The following TLR9 variants were observed in gnomAD, a reference collection of about 807,000 sequenced individuals.
The protein encoded by TLR9 is toll-like receptor 9.
A neutral mutation model predicts 24.6 loss-of-function variants in TLR9; 19 were observed. That is an observed-to-expected ratio of 0.77 (90% CI 0.54 to 1.13). The LOEUF (loss-of-function observed/expected upper bound fraction) is 1.13, where lower values mean the gene tolerates loss of function less well. Ranked by LOEUF, TLR9 falls within the 50% of genes most tolerant of loss-of-function variation. The pLI, the probability that TLR9 is intolerant of heterozygous loss-of-function variation, is 0.00. For missense variants in TLR9, 1,065 were observed against 1,379.6 expected (o/e 0.77, Z 3.61); for synonymous variants, 579 against 609.8 (o/e 0.95, Z 0.74).
At position 52,223,570 on chromosome 3, in the gene TLR9, A is replaced by G; in HGVS notation, c.746T>C (p.Leu249Pro). Residue 249 changes from leucine (L) to proline (P), a missense_variant, in exon 2 of 2, where the codon CTC (leucine) becomes CCC (proline). Leu to Pro is a moderately conservative substitution (Grantham distance 98, BLOSUM62 -3). Transcript: ENST00000360658. ...DLANLTALRV[L>P]DVGGNCRRCD... Reference sequence around the variant, plus strand: ...GCGGCGGCAATTTCCGCCCACATCGAGCACACGCAGGGCGGTCAGATTGGC... The same window carrying G: ...GCGGCGGCAATTTCCGCCCACATCGGGCACACGCAGGGCGGTCAGATTGGC... The G allele has an allele frequency of 6.5e-7, 1 of 1,535,850 alleles. No homozygotes were observed. The highest frequency in any genetic ancestry group is 8.8e-7 in the Non-Finnish European group (1 of 1,140,610).
chr3:52,225,403 G>C, intron 1 of TLR9, 124 bp downstream of exon 1: 1 of 1,198,376 alleles, frequency 8.3e-7, no homozygotes, highest in Non-Finnish European at 1.2e-6. Context: ...AGGATTCAGT[G>C]AGTGTCCCCA....
chr3:52,223,841 C>G lies in TLR9; in HGVS notation c.475G>C (p.Asp159His). 1 of 1,612,082 alleles carries G rather than the reference C, an allele frequency of 6.2e-7. No homozygotes were observed. The highest frequency in any genetic ancestry group is 8.5e-7 in the Non-Finnish European group (1 of 1,178,860). Residue 159 changes from aspartate (D) to histidine (H), a missense_variant, in exon 2 of 2, where the codon GAC (aspartate) becomes CAC (histidine). By Grantham distance (81) the Asp-to-His change is moderately conservative. Coordinates refer to ENST00000360658, the MANE Select transcript of TLR9 (RefSeq NM_017442.4). Reference protein sequence around the residue: ...SLSHTNILMLDSASLAGLHAL... With the variant: ...SLSHTNILMLHSASLAGLHAL... ...TGCAGGCCGGCGAGGCTGGCAGAGT[C>G]TAGCATCAGGATGTTGGTATGGCTG...
intron 1 of TLR9, among the ~76,000 whole-genome samples, chr3:52,224,641 G>A (rs924507272): frequency 4.6e-5 from 7 of 152,072 alleles, no homozygotes; most frequent in Non-Finnish European, 1.0e-4. Flanking sequence ...GTCTCTCCCC[G>A]ACTTTCCCTT....
rs138035523 is a variant in TLR9 at position 52,223,791 on chromosome 3, G to A, written c.525C>T (p.Asp175=). The stretch of plus-strand genomic sequence containing the variant: ...AGGGGTTCTTGTAATAACAGTTGCC[G>A]TCCATGAATAGGAAGCGCAGGGCAT... ...GLHALRFLFM[D]GNCYYKNPCR... The change falls in exon 2 of 2, where the codon GAC becomes GAT. Residue 175 remains aspartate (D), a synonymous_variant. Coordinates refer to ENST00000360658, the MANE Select transcript of TLR9 (RefSeq NM_017442.4). 413 of 1,587,414 alleles carry A rather than the reference G, an allele frequency of 2.6e-4. No individual in the cohort carries two copies. The African/African-American group carries it at 4.3e-3, about 16-fold the overall frequency.
In TLR9 at chr3:52,223,082, T is replaced by C; in HGVS notation, c.1234A>G (p.Arg412Gly). 1.2e-6 allele frequency: 2 copies of C among 1,611,334 alleles called. No homozygotes were observed. The highest frequency in any genetic ancestry group is 1.7e-6 in the Non-Finnish European group (2 of 1,178,544). ...ACGTAGCGCAGGCCAGGGAAGGCCC[T>C]GAAGATGCCGAGCTGGGCCTGGTTG... ...FINQAQLGIF[R>G]AFPGLRYVDL... Residue 412 changes from arginine to glycine, a missense_variant, in exon 2 of 2, where the codon AGG becomes GGG. Transcript: ENST00000360658.
At position 52,221,943 on chromosome 3, in the gene TLR9, G is replaced by T; in HGVS notation, c.2373C>A (p.Gly791=). The change falls in exon 2 of 2, where the codon GGC becomes GGA. Residue 791 remains glycine (G), a synonymous_variant. Transcript: ENST00000360658. This position sits in a 1 kb window ranked among gnomAD's most constrained non-coding sequence, Gnocchi z 9.9. ...VPGLPSRVKC[G]SPGQLQGLSI... is the part of the protein sequence containing the mutation. ...TGAGGCCCTGGAGCTGGCCCGGACT[G>T]CCACACTTCACCCGGCTGGGCAGAC... The T allele has an allele frequency of 6.2e-7, 1 of 1,612,104 alleles. No individual in the cohort carries two copies. The highest frequency in any genetic ancestry group is 1.1e-5 in the South Asian group (1 of 90,926).
At position 52,223,827 on chromosome 3, in the gene TLR9, G is replaced by A. The variant is rs761537342; in HGVS notation, c.489C>T (p.Leu163=). 26 of 1,609,366 alleles carry A rather than the reference G, an allele frequency of 1.6e-5. No homozygotes were observed. Among genetic ancestry groups the A allele is most frequent in the Admixed American group, 3.4e-5 (2 of 59,218 alleles). ...TNILMLDSAS[L]AGLHALRFLF... is the part of the protein sequence containing the mutation. ...GGAAGCGCAGGGCATGCAGGCCGGCGAGGCTGGCAGAGTCTAGCATCAGGA... is the reference window on the plus strand; with the variant it reads ...GGAAGCGCAGGGCATGCAGGCCGGCAAGGCTGGCAGAGTCTAGCATCAGGA... Residue 163 remains leucine (L), a synonymous_variant, in exon 2 of 2, where the codon CTC becomes CTT. Coordinates refer to ENST00000360658, the MANE Select transcript of TLR9 (RefSeq NM_017442.4).
Position 52,222,594 on chromosome 3 carries a change from C to A in TLR9, c.1722G>T (p.Leu574=), listed in dbSNP as rs1412431222. The A allele has an allele frequency of 6.2e-7, 1 of 1,614,118 alleles. No homozygotes were observed. Among genetic ancestry groups the A allele is most frequent in the South Asian group, 1.1e-5 (1 of 91,084 alleles). The part of the protein sequence containing the change: ...VGHNFSFVAH[L]RTLRHLSLAH... ...CCAGGCTGAGGTGGCGCAGGGTGCG[C>A]AGGTGAGCCACGAAGCTGAAGTTGT... Residue 574 remains leucine (L), a synonymous_variant, in exon 2 of 2, where the codon CTG becomes CTT. Coordinates refer to ENST00000360658, the MANE Select transcript of TLR9 (RefSeq NM_017442.4).
intron 1 of TLR9, among the ~76,000 whole-genome samples, chr3:52,224,691 C>T (rs1286559642): frequency 1.3e-5 from 2 of 152,204 alleles, no homozygotes; most frequent in Admixed American, 6.5e-5. Flanking sequence ...CCCTCCCCTC[C>T]AGCTGCCCTG....
rs201448828 is a variant in TLR9, at chr3:52,221,139, G to T, written c.*78C>A. 7.3e-7 allele frequency: 1 copy of T among 1,361,108 alleles called. No homozygotes were observed. The allele number at this position is 1,361,108 out of a possible 1,614,324, so 84.3% of individuals were successfully genotyped here. On this transcript the variant is annotated 3_prime_UTR_variant, in exon 2 of 2. Coordinates refer to ENST00000360658, the MANE Select transcript of TLR9 (RefSeq NM_017442.4). This position sits in a 1 kb window ranked among gnomAD's most constrained non-coding sequence, Gnocchi z 9.9. ...GTGTCAGGTGTGGGGTGAGGGAGGC[G>T]AGCAGGGGAGGGTCAGACCAGGCAG...
Position 52,223,272 on chromosome 3 carries a change from C to T in TLR9, c.1044G>A (p.Arg348=). 1 of 1,614,150 alleles carries T rather than the reference C, an allele frequency of 6.2e-7. No homozygotes were observed. The highest frequency in any genetic ancestry group is 8.5e-7 in the Non-Finnish European group (1 of 1,180,018). ...CCAGAGACAGGTGGGCAAAGGACAC[C>T]CTCTTTTGGTAATTGAAGGACAGGT... is the stretch of plus-strand genomic sequence containing the variant. ...KLNLSFNYQK[R]VSFAHLSLAP... is the part of the protein sequence containing the mutation. The change falls in exon 2 of 2, where the codon AGG becomes AGA. Residue 348 remains arginine (R), a synonymous_variant. Transcript: ENST00000360658.
chr3:52,223,072 G>A lies in TLR9; in HGVS notation c.1244C>T (p.Pro415Leu), dbSNP rs901314272. 2 of 1,608,114 alleles carry A rather than the reference G, an allele frequency of 1.2e-6. No homozygotes were observed. The highest frequency in any genetic ancestry group is 1.7e-6 in the Non-Finnish European group (2 of 1,176,404). The change falls in exon 2 of 2, where the codon CCT becomes CTT. Residue 415 changes from proline to leucine, a missense_variant. Pro to Leu is a moderately conservative substitution (Grantham distance 98, BLOSUM62 -3). Transcript: ENST00000360658. ...QAQLGIFRAF[P>L]GLRYVDLSDN... ...CGACAGGTCCACGTAGCGCAGGCCA[G>A]GGAAGGCCCTGAAGATGCCGAGCTG...
In TLR9 at chr3:52,221,316, A is replaced by G; in HGVS notation, c.3000T>C (p.Ser1000=). 6.4e-7 allele frequency: 1 copy of G among 1,562,300 alleles called. No homozygotes were observed. Among genetic ancestry groups the G allele is most frequent in the Non-Finnish European group, 8.7e-7 (1 of 1,153,422 alleles). Residue 1000 remains serine, a synonymous_variant, in exon 2 of 2, where the codon AGT becomes AGC. Transcript: ENST00000360658. This position sits in a 1 kb window ranked among gnomAD's most constrained non-coding sequence, Gnocchi z 9.9. ...GCTGGGCCCAGAAGCTGCGCTGACC[A>G]CTGGGCTGGTGGGGCCAGAGGAGGA... The part of the protein sequence containing the change: ...QSVLLWPHQP[S]GQRSFWAQLG...
In TLR9 at chr3:52,224,051, G is replaced by A; in HGVS notation, c.265C>T (p.Leu89=). The A allele has an allele frequency of 6.3e-7, 1 of 1,577,438 alleles. No individual in the cohort carries two copies. Among genetic ancestry groups the A allele is most frequent in the Non-Finnish European group, 8.6e-7 (1 of 1,157,888 alleles). ...HDSDFAHLPS[L]RHLNLKWNCP... is the part of the protein sequence containing the mutation. ...TTCCACTTGAGGTTGAGATGCCGCA[G>A]GCTGGGCAGGTGGGCAAAGTCAGAA... Residue 89 remains leucine (L), a synonymous_variant, in exon 2 of 2, where the codon CTG becomes TTG. Coordinates refer to ENST00000360658, the MANE Select transcript of TLR9 (RefSeq NM_017442.4).
Position 52,221,499 on chromosome 3 carries a change from G to A in TLR9, c.2817C>T (p.His939=). The A allele has an allele frequency of 1.9e-6, 3 of 1,613,040 alleles. No individual in the cohort carries two copies. Among genetic ancestry groups the A allele is most frequent in the Non-Finnish European group, 2.5e-6 (3 of 1,179,802 alleles). The change falls in exon 2 of 2, where the codon CAC becomes CAT. Residue 939 remains histidine, a synonymous_variant. Transcript: ENST00000360658. This position sits in a 1 kb window ranked among gnomAD's most constrained non-coding sequence, Gnocchi z 9.9. ...GSRKTLFVLA[H]TDRVSGLLRA... ...GCAAGAGACCACTGACCCGGTCCGTGTGGGCCAGCACAAACAGCGTCTTGC... is the reference window on the plus strand; with the variant it reads ...GCAAGAGACCACTGACCCGGTCCGTATGGGCCAGCACAAACAGCGTCTTGC...
rs1237508911 is a variant in TLR9 at position 52,222,561 on chromosome 3, G to GC, written c.1754_1755insG (p.Asn585LysfsTer78). ...GCTGGGACACTTGGCTGTGGATGTT[G>GC]TTGTGGGCCAGGCTGAGGTGGCGCA... On this transcript the variant is annotated frameshift_variant, in exon 2 of 2. Coordinates refer to ENST00000360658, the MANE Select transcript of TLR9 (RefSeq NM_017442.4). LOFTEE classifies it low-confidence loss of function (END_TRUNC). The GC allele has an allele frequency of 1.9e-6, 3 of 1,614,212 alleles. No individual in the cohort carries two copies. The highest frequency in any genetic ancestry group is 2.5e-6 in the Non-Finnish European group (3 of 1,180,030).
rs35133926 is a variant in TLR9, at chr3:52,222,627, G to A, written c.1689C>T (p.Gly563=). 3.0e-4 allele frequency: 490 copies of A among 1,614,034 alleles called. 3 individuals carry two copies. Among genetic ancestry groups the A allele is most frequent in the South Asian group, 5.6e-4 (51 of 91,084 alleles). Residue 563 remains glycine (G), a synonymous_variant, in exon 2 of 2, where the codon GGC becomes GGT. Coordinates refer to ENST00000360658, the MANE Select transcript of TLR9 (RefSeq NM_017442.4). The part of the protein sequence containing the change: ...SYNSQPFGMQ[G]VGHNFSFVAH... ...CCACGAAGCTGAAGTTGTGGCCCAC[G>A]CCCTGCATGCCAAAGGGCTGGCTGT...
Position 52,222,984 on chromosome 3 carries a change from C to T in TLR9, c.1332G>A (p.Glu444=). 6.3e-7 allele frequency: 1 copy of T among 1,593,336 alleles called. No individual in the cohort carries two copies. Among genetic ancestry groups the T allele is most frequent in the Non-Finnish European group, 8.6e-7 (1 of 1,167,928 alleles). The change falls in exon 2 of 2, where the codon GAG becomes GAA. Residue 444 remains glutamate (E), a synonymous_variant. Coordinates refer to ENST00000360658, the MANE Select transcript of TLR9 (RefSeq NM_017442.4). ...TATMGEADGG[E]KVWLQPGDLA... ...GGTCCCCAGGCTGCAGCCAGACCTT[C>T]TCCCCTCCATCTGCCTCCCCCATGG...
At position 52,224,320 on chromosome 3, in the gene TLR9, G is replaced by A. The variant is rs914493317; in HGVS notation, c.4-8C>T. 6 of 1,561,800 alleles carry A rather than the reference G, an allele frequency of 3.8e-6. No individual in the cohort carries two copies. Among genetic ancestry groups the A allele is most frequent in the African/African-American group, 2.7e-5 (2 of 73,490 alleles). ...GGCGCTGCGGCAGAAACCCTGTGGG[G>A]GTGGGAGGGCTGTGTGAGTGGCCGG... On this transcript the variant is annotated splice_region_variant and splice_polypyrimidine_tract_variant and intron_variant, in intron 1 of 1. Coordinates refer to ENST00000360658, the MANE Select transcript of TLR9 (RefSeq NM_017442.4).
Sources: gnomAD v4.1 joint callset for allele counts (sites outside exome capture counted in the v4.1 genomes callset) on GRCh38, gnomAD v4.1.1 for gene constraint, Gnocchi (gnomAD v3.1) non-coding constraint, MANE v1.5 for transcripts, NCBI Gene and HGNC (gene_info 2026-07-23, HGNC 2026-07-21) for gene names.